The following NRXN1 variants were observed in gnomAD, a reference collection of about 807,000 sequenced individuals.
NRXN1 encodes neurexin 1, also known as neurexin-1.
A neutral mutation model predicts 150.9 loss-of-function variants in NRXN1; 39 were observed. The observed-to-expected ratio is 0.26, with a 90% confidence interval of 0.20 to 0.34. The LOEUF (loss-of-function observed/expected upper bound fraction) is 0.34. Among genes scored for constraint, NRXN1 ranks in the 10% least tolerant of loss-of-function variants. The probability of loss-of-function intolerance (pLI) is 1.00; values close to 1 mark genes in which losing one functional copy is unlikely to be tolerated. For missense variants in NRXN1, 1,815 were observed against 1,949.9 expected (o/e 0.93, Z 1.30); for synonymous variants, 924 against 757.0 (o/e 1.22, Z -3.62).
At chr2:50,401,174 G>A (rs183489626) in intron 17 of NRXN1, among the ~76,000 whole-genome samples, 1 of 151,990 alleles carries the variant, frequency 6.6e-6, no homozygotes, top group Non-Finnish European at 1.5e-5. Context: ...AGGCCTTCAG[G>A]TTCCTCATTC....
At chr2:50,367,162 C>A (rs2079642526) in intron 17 of NRXN1, among the ~76,000 whole-genome samples, 1 of 151,860 alleles carries the variant, frequency 6.6e-6, no homozygotes, top group South Asian at 2.1e-4. Context: ...GAAATAATAA[C>A]TCAAGGAGAA....
At chr2:50,763,677 C>T (rs1351558965) in intron 5 of NRXN1, among the ~76,000 whole-genome samples, 1 of 151,844 alleles carries the variant, frequency 6.6e-6, no homozygotes, top group Non-Finnish European at 1.5e-5. Flanking sequence ...CTTTCTAGCA[C>T]GTGGCAGAGT....
At chr2:50,258,908 C>T (rs1287162220) in intron 17 of NRXN1, among the ~76,000 whole-genome samples, 1 of 152,026 alleles carries the variant, frequency 6.6e-6, no homozygotes, top group Non-Finnish European at 1.5e-5. Flanking sequence ...ATCTCTATTT[C>T]TAAGCAGTAG....
At chr2:50,465,599 A>C in intron 16 of NRXN1, 38 bp from the exon 17 acceptor site, 1 of 1,556,152 alleles carries the variant, frequency 6.4e-7, no homozygotes, top group Non-Finnish European at 8.7e-7. Flanking sequence ...GTTCTTTAAA[A>C]GAATCCAAAA....
intron 17 of NRXN1, among the ~76,000 whole-genome samples, chr2:50,260,631 T>G (rs1409589838): frequency 8.1e-5 from 2 of 24,604 alleles, no homozygotes; most frequent in Non-Finnish European, 1.6e-4. Flanking sequence ...TTTTTTCCGT[T>G]TTTTTTTTTT....
rs370256553 is a variant in NRXN1, at chr2:50,663,711, T to C, written c.833-40096A>G. ...TGCAGAAAAATGTGAATCTGGAACT[T>C]TCAAATGCATATGCATAATTCACAT... On this transcript the variant is annotated intron_variant, in intron 5 of 22. Transcript: ENST00000401669. 1.3e-4 allele frequency among the ~76,000 whole-genome samples: 20 copies of C among 152,112 alleles called. No individual in the cohort carries two copies. In the East Asian group the frequency reaches 2.7e-3, roughly 21 times the overall value.
At chr2:50,161,846 A>AAGGC (rs2059381584) in intron 18 of NRXN1, among the ~76,000 whole-genome samples, 1 of 152,104 alleles carries the variant, frequency 6.6e-6, no homozygotes, top group Non-Finnish European at 1.5e-5. Flanking sequence ...TGAAGGCAGG[A>AAGGC]AGGCAGGCAG....
At position 49,993,611 on chromosome 2, in the gene NRXN1, T is replaced by G. The variant is rs571842491; in HGVS notation, c.4129-49820A>C. ...ACAAATGCACTACTCTAGTGGAGGG[T>G]GTTGATAATGAGGGAAGCTATCCAT... On this transcript the variant is annotated intron_variant, in intron 21 of 22. Transcript: ENST00000401669. 3.3e-5 allele frequency among the ~76,000 whole-genome samples: 5 copies of G among 151,944 alleles called. No homozygotes were observed. In the South Asian group the frequency reaches 1.0e-3, roughly 32 times the overall value.
chr2:50,615,050 AAGAT>A (rs1204086716), intron 8 of NRXN1, among the ~76,000 whole-genome samples: 2 of 152,156 alleles, frequency 1.3e-5, no homozygotes, highest in African/African-American at 2.4e-5. Context: ...ATGCTTACAA[AAGAT>A]AGGATATTTT....
intron 18 of NRXN1, among the ~76,000 whole-genome samples, chr2:50,148,772 C>CGGGATG (rs1480269431): frequency 6.6e-6 from 1 of 151,746 alleles, no homozygotes; most frequent in East Asian, 1.9e-4. Flanking sequence ...TGATGTCAAT[C>CGGGATG]GGGATGATTA....
At chr2:50,387,944 A>G (rs10203960) in intron 17 of NRXN1, among the ~76,000 whole-genome samples, 38,651 of 152,074 alleles carry the variant, frequency 0.25, 5,178 homozygotes, top group East Asian at 0.45. Flanking sequence ...CACGTCTTGA[A>G]AAAGTAAAAC....
At chr2:50,353,475 G>GT (rs1395495130) in intron 17 of NRXN1, among the ~76,000 whole-genome samples, 1 of 152,072 alleles carries the variant, frequency 6.6e-6, no homozygotes, top group Non-Finnish European at 1.5e-5. Context: ...GTGCCTGACT[G>GT]TGAGTATGAA....
At chr2:50,680,343 C>A (rs986724782) in intron 5 of NRXN1, among the ~76,000 whole-genome samples, 15 of 151,920 alleles carry the variant, frequency 9.9e-5, no homozygotes, top group African/African-American at 3.6e-4. Context: ...TCTCAAGCAT[C>A]CTACAGAGAC....
chr2:49,999,837 C>T (rs988758730), intron 21 of NRXN1, among the ~76,000 whole-genome samples: 2 of 152,128 alleles, frequency 1.3e-5, no homozygotes, highest in African/African-American at 4.8e-5. Context: ...TTAACTTACA[C>T]TAAAATGTAA....
intron 5 of NRXN1, among the ~76,000 whole-genome samples, chr2:50,722,328 T>C (rs1377250080): frequency 6.6e-6 from 1 of 152,162 alleles, no homozygotes; most frequent in Non-Finnish European, 1.5e-5. Flanking sequence ...ATATCAGCAC[T>C]ATGAGCAGAG....
intron 17 of NRXN1, among the ~76,000 whole-genome samples, chr2:50,448,838 T>C (rs1490918175): frequency 6.6e-6 from 1 of 151,966 alleles, no homozygotes; most frequent in Non-Finnish European, 1.5e-5. Context: ...TGGCTCCACA[T>C]AAAATAGAGC....
intron 5 of NRXN1, among the ~76,000 whole-genome samples, chr2:50,703,707 G>A (rs909820547): frequency 2.0e-5 from 3 of 152,076 alleles, no homozygotes; most frequent in Non-Finnish European, 2.9e-5. Flanking sequence ...AATGAGGAAC[G>A]GTTAACTATG....
intron 18 of NRXN1, among the ~76,000 whole-genome samples, chr2:50,217,483 C>T (rs116238954): frequency 0.013 from 2,029 of 151,998 alleles, 51 homozygotes; most frequent in African/African-American, 0.046. Context: ...TTTTATCTGG[C>T]TGGATCTATA....
intron 5 of NRXN1, among the ~76,000 whole-genome samples, chr2:50,914,893 T>A (rs1264061819): frequency 6.6e-6 from 1 of 151,658 alleles, no homozygotes; most frequent in Non-Finnish European, 1.5e-5. Context: ...TGCCAGTCAC[T>A]GCTCTAGGGA....
Sources: gnomAD v4.1 joint callset for allele counts (sites outside exome capture counted in the v4.1 genomes callset) on GRCh38, gnomAD v4.1.1 for gene constraint, MANE v1.5 for transcripts, NCBI Gene and HGNC (gene_info 2026-07-23, HGNC 2026-07-21) for gene names.